The following NOVA1 variants were observed in gnomAD, a reference collection of about 807,000 sequenced individuals.
NOVA1 encodes NOVA alternative splicing regulator 1, also known as RNA-binding protein Nova-1.
Under a neutral mutation model 38.0 loss-of-function variants are expected in NOVA1, and 7 were observed. The observed-to-expected ratio is 0.18, with a 90% CI of 0.10 to 0.35. The LOEUF is 0.35. Among genes scored for constraint, NOVA1 ranks in the 10% least tolerant of loss-of-function variants. NOVA1 has a pLI of 1.00. For synonymous variants in NOVA1, 270 were observed against 232.5 expected, an observed-to-expected ratio of 1.16 and a Z score of -1.47; for missense variants, 460 against 616.0, an observed-to-expected ratio of 0.75 and a Z score of 2.68.
intron 2 of NOVA1, among the ~76,000 whole-genome samples, chr14:26,574,564 G>C (rs372485323): frequency 5.3e-5 from 8 of 151,916 alleles, no homozygotes; most frequent in Admixed American, 2.0e-4. Flanking sequence ...TTAGGTTTCC[G>C]CTTTAAATAG....
intron 2 of NOVA1, chr14:26,592,716 A>C (rs1893932083): frequency 6.6e-6 from 1 of 151,714 alleles, no homozygotes; most frequent in Admixed American, 6.6e-5. Context: ...GGGTTGCTTA[A>C]GATATTTTCA....
intron 2 of NOVA1, among the ~76,000 whole-genome samples, chr14:26,583,881 TCA>T (rs36218600): frequency 0.09 from 13,198 of 145,858 alleles, 561 homozygotes; most frequent in South Asian, 0.13. Context: ...AGCATCAAAT[TCA>T]CACACACACA....
intron 3 of NOVA1, among the ~76,000 whole-genome samples, chr14:26,478,018 C>T (rs571354748): frequency 3.2e-4 from 48 of 151,750 alleles, no homozygotes; most frequent in Non-Finnish European, 6.3e-4. Context: ...ATTAAATAAC[C>T]AACAATACTT....
chr14:26,591,115 T>C (rs554233401), intron 2 of NOVA1, among the ~76,000 whole-genome samples: 2 of 151,706 alleles, frequency 1.3e-5, no homozygotes, highest in Non-Finnish European at 3.0e-5. Flanking sequence ...TTCCTTCATA[T>C]GTTAAGATTT....
chr14:26,448,063 T>C lies in NOVA1; in HGVS notation c.1420A>G (p.Ile474Val). The change falls in exon 5 of 5, where the codon ATT (isoleucine) becomes GTT (valine). Residue 474 changes from isoleucine (I) to valine (V), a missense_variant. Transcript: ENST00000539517. This position sits in a 1 kb window ranked among gnomAD's most constrained non-coding sequence, Gnocchi z 5.3. ...TGTGTTGCAGCTGGTGTTCCAGTAATGGTTACCTTCCGATTCCTTGTGCCA... is the reference window on the plus strand; with the variant it reads ...TGTGTTGCAGCTGGTGTTCCAGTAACGGTTACCTTCCGATTCCTTGTGCCA... ...VPGTRNRKVT[I>V]TGTPAATQAA... 6.2e-7 allele frequency: 1 copy of C among 1,614,210 alleles called. No homozygotes were observed. Among genetic ancestry groups the C allele is most frequent in the Non-Finnish European group, 8.5e-7 (1 of 1,180,038 alleles).
chr14:26,541,074 T>C (rs562521399), intron 2 of NOVA1, among the ~76,000 whole-genome samples: 4 of 152,132 alleles, frequency 2.6e-5, no homozygotes, highest in Admixed American at 2.6e-4. Flanking sequence ...GAGGAAACAG[T>C]CACAAGTATA....
chr14:26,459,568 AAAG>A (rs1241757690), intron 4 of NOVA1, among the ~76,000 whole-genome samples: 1 of 152,184 alleles, frequency 6.6e-6, no homozygotes. Context: ...AAATGACAGA[AAAG>A]AACATTTAGA....
At chr14:26,455,943 T>C (rs1883139112) in intron 4 of NOVA1, among the ~76,000 whole-genome samples, 1 of 151,974 alleles carries the variant, frequency 6.6e-6, no homozygotes, top group African/African-American at 2.4e-5. Flanking sequence ...TAAACCAGAT[T>C]TTACTAAATT....
intron 2 of NOVA1, among the ~76,000 whole-genome samples, chr14:26,549,051 C>A (rs944478566): frequency 6.6e-6 from 1 of 152,030 alleles, no homozygotes; most frequent in Non-Finnish European, 1.5e-5. Context: ...TTGATACTTG[C>A]AAGGCTGAGG....
At chr14:26,449,385 T>C (rs139078615) in intron 4 of NOVA1, among the ~76,000 whole-genome samples, 26 of 152,228 alleles carry the variant, frequency 1.7e-4, no homozygotes, top group Admixed American at 1.6e-3. Context: ...AAACAAAGAA[T>C]GCAGAATTAA....
intron 4 of NOVA1, among the ~76,000 whole-genome samples, chr14:26,450,435 C>G (rs1337530532): frequency 6.6e-6 from 1 of 151,726 alleles, no homozygotes; most frequent in African/African-American, 2.4e-5. Context: ...ACACAATTTA[C>G]AGTAATAAAA....
chr14:26,556,532 A>C (rs1891489537), intron 2 of NOVA1, among the ~76,000 whole-genome samples: 1 of 152,198 alleles, frequency 6.6e-6, no homozygotes, highest in South Asian at 2.1e-4. Context: ...AATACACCAA[A>C]GATAAAACTC....
At chr14:26,493,138 A>C (rs1886482396) in intron 2 of NOVA1, among the ~76,000 whole-genome samples, 1 of 152,104 alleles carries the variant, frequency 6.6e-6, no homozygotes, top group Non-Finnish European at 1.5e-5. Context: ...TATTTTTTCA[A>C]CATTAATTAT....
At chr14:26,567,318 CA>C (rs1352193744) in intron 2 of NOVA1, among the ~76,000 whole-genome samples, 20 of 84,450 alleles carry the variant, frequency 2.4e-4, no homozygotes, top group Non-Finnish European at 3.8e-4. Flanking sequence ...TTTTTTGAGA[CA>C]GGGTTTTGCT....
chr14:26,504,216 C>A (rs1594419762), intron 2 of NOVA1, among the ~76,000 whole-genome samples: 1 of 152,098 alleles, frequency 6.6e-6, no homozygotes. Context: ...CACAACACAG[C>A]CTACAACTTT....
At chr14:26,523,940 A>T (rs1476519945) in intron 2 of NOVA1, among the ~76,000 whole-genome samples, 2 of 151,844 alleles carry the variant, frequency 1.3e-5, no homozygotes, top group Non-Finnish European at 2.9e-5. Flanking sequence ...TTTAGTAGTG[A>T]CGGGGTTTCA....
At chr14:26,449,642 G>A (rs1882457285) in intron 4 of NOVA1, among the ~76,000 whole-genome samples, 1 of 151,762 alleles carries the variant, frequency 6.6e-6, no homozygotes, top group Non-Finnish European at 1.5e-5. Flanking sequence ...AATGGCTTGG[G>A]GTAGATTAAC....
At position 26,576,743 on chromosome 14, in the gene NOVA1, C is replaced by T. The variant is rs558494307; in HGVS notation, c.280+18667G>A. 5.3e-5 allele frequency among the ~76,000 whole-genome samples: 8 copies of T among 151,358 alleles called. No individual in the cohort carries two copies. The South Asian group carries it at 1.3e-3, about 24-fold the overall frequency. Reference sequence around the variant, plus strand: ...AGAACTTTCTTACTCCTCTTGCCTCCTTTTTTTATTATTGTATATACTTAA... The same window carrying T: ...AGAACTTTCTTACTCCTCTTGCCTCTTTTTTTTATTATTGTATATACTTAA... On this transcript the variant is annotated intron_variant, in intron 2 of 4. Coordinates refer to ENST00000539517, the MANE Select transcript of NOVA1 (RefSeq NM_002515.3).
chr14:26,481,728 T>C (rs974594627), intron 2 of NOVA1, among the ~76,000 whole-genome samples: 2 of 152,040 alleles, frequency 1.3e-5, no homozygotes, highest in Non-Finnish European at 2.9e-5. Flanking sequence ...TTCTCATTCT[T>C]GTCTATCTTG....
Sources: allele counts gnomAD v4.1 joint callset (sites outside exome capture counted in the v4.1 genomes callset), GRCh38; gene constraint gnomAD v4.1.1; non-coding constraint Gnocchi (gnomAD v3.1); transcripts MANE v1.5; gene names NCBI Gene and HGNC (gene_info 2026-07-23, HGNC 2026-07-21).